Variants in RNF166 observed in about 807,000 individuals in gnomAD.
RNF166 encodes E3 ubiquitin-protein ligase RNF166.
RNF166 carries 19 observed loss-of-function variants against 29.4 expected under a neutral mutation model. The ratio of observed to expected loss-of-function variants is 0.65; its 90% CI spans 0.45 to 0.95. RNF166 has a LOEUF of 0.95. Ranked by LOEUF, RNF166 falls within the 40% of genes least tolerant of loss-of-function variation. The probability of loss-of-function intolerance (pLI) is 0.00; values close to 1 mark genes in which losing one functional copy is unlikely to be tolerated. For synonymous variants in RNF166, 171 were observed against 134.5 expected, an observed-to-expected ratio of 1.27 and a Z score of -1.88; for missense variants, 347 against 322.1, an observed-to-expected ratio of 1.08 and a Z score of -0.59.
At chr16:88,701,604 C>A in intron 1 of RNF166, 186 bp from the exon 2 acceptor site, 1 of 596,598 alleles carries the variant, frequency 1.7e-6, no homozygotes, top group Non-Finnish European at 2.8e-6. Context: ...TGGGCCCCAT[C>A]TGGCTAAAGG....
intron 2 of RNF166, 148 bp downstream of exon 2, chr16:88,701,114 C>T (rs535852260): frequency 4.6e-5 from 58 of 1,258,744 alleles, no homozygotes; most frequent in African/African-American, 3.0e-4. Context: ...AGGGAGGCGC[C>T]GGGGCTGGCT....
intron 5 of RNF166, chr16:88,698,170 A>G (rs558633650): frequency 1.2e-5 from 7 of 602,808 alleles, no homozygotes; most frequent in East Asian, 1.1e-4. Context: ...GATGTTGATG[A>G]AAGTCCTTCC....
At chr16:88,699,904 A>T (rs952290931) in intron 2 of RNF166, 172 bp from the exon 3 acceptor site, 19 of 538,518 alleles carry the variant, frequency 3.5e-5, no homozygotes, top group Non-Finnish European at 6.0e-5. Context: ...GGCACTGAGC[A>T]GCCACTACTC....
chr16:88,698,444 G>T, intron 5 of RNF166, 58 bp downstream of exon 5: 1 of 1,352,496 alleles, frequency 7.4e-7, no homozygotes, highest in Non-Finnish European at 1.0e-6. Flanking sequence ...AGGGGCCCGA[G>T]CAGGAGGAGG....
intron 1 of RNF166, chr16:88,704,606 C>T: frequency 2.1e-6 from 2 of 973,518 alleles, no homozygotes; most frequent in South Asian, 9.5e-5. Context: ...GGAGGCTTTT[C>T]TAAAACAAGG....
chr16:88,703,946 G>A, intron 1 of RNF166: 2 of 985,490 alleles, frequency 2.0e-6, no homozygotes, highest in South Asian at 9.4e-5. Flanking sequence ...GCAGGTTCGT[G>A]ATCACGCGTG....
intron 4 of RNF166, 107 bp from the exon 5 acceptor site, chr16:88,698,716 G>A (rs980685504): frequency 9.2e-6 from 8 of 867,550 alleles, no homozygotes; most frequent in Non-Finnish European, 1.4e-5. Flanking sequence ...CCTCAGCCTG[G>A]GAAGGCACCC....
At chr16:88,699,754 G>A in intron 2 of RNF166, 22 bp from the exon 3 acceptor site, 1 of 1,588,618 alleles carries the variant, frequency 6.3e-7, no homozygotes, top group South Asian at 1.1e-5. Context: ...GGCAGGGAGG[G>A]CAAGGCGGTC....
At chr16:88,702,704 A>G (rs899820732) in intron 1 of RNF166, 10 of 985,320 alleles carry the variant, frequency 1.0e-5, no homozygotes, top group Non-Finnish European at 1.1e-5. Context: ...AGCGGGACTC[A>G]GCTTGAGACC....
chr16:88,696,952 G>A lies in RNF166; in HGVS notation c.*616C>T, dbSNP rs780438470. On this transcript the variant is annotated 3_prime_UTR_variant, in exon 6 of 6. Coordinates refer to ENST00000312838, the MANE Select transcript of RNF166 (RefSeq NM_178841.4). Reference sequence around the variant, plus strand: ...CAATCCCCCAATGCTTGTTTTGATTGTTTTCTTAAAAAATATAATTTTGTA... The same window carrying A: ...CAATCCCCCAATGCTTGTTTTGATTATTTTCTTAAAAAATATAATTTTGTA... The A allele has an allele frequency of 4.1e-5, 8 of 194,928 alleles. No individual in the cohort carries two copies. The highest frequency in any genetic ancestry group is 7.4e-5 in the South Asian group (1 of 13,528). The allele number at this position is 194,928 out of a possible 1,614,324, so 12.1% of individuals were successfully genotyped here. A position where few individuals can be genotyped will look rare whatever the true frequency, so the allele number is the denominator to read the frequency against.
intron 1 of RNF166, chr16:88,703,378 AG>A: frequency 1.0e-5 from 10 of 985,424 alleles, no homozygotes; most frequent in Non-Finnish European, 1.1e-5. Context: ...GGGAAGGAAA[AG>A]GGTCCCAGGC....
intron 1 of RNF166, among the ~76,000 whole-genome samples, chr16:88,701,904 A>G (rs1256638614): frequency 1.3e-5 from 2 of 152,352 alleles, no homozygotes; most frequent in African/African-American, 4.8e-5. Flanking sequence ...TGCACTGGAC[A>G]GGGAAGGGCC....
chr16:88,700,497 G>A (rs1910106647), intron 2 of RNF166: 1 of 618,886 alleles, frequency 1.6e-6, no homozygotes, highest in Admixed American at 6.3e-5. Flanking sequence ...GGCAGCCCCT[G>A]GACATCTGGA....
In RNF166 at chr16:88,701,410, C is replaced by T. The variant is rs1331479704; in HGVS notation, c.164G>A (p.Gly55Glu). The T allele has an allele frequency of 4.4e-6, 7 of 1,595,848 alleles. No individual in the cohort carries two copies. In the African/African-American group the frequency reaches 9.4e-5, roughly 21 times the overall value. ...CTGCAGGCAGGGCTGGAGACACTCC[C>T]CGCAGAACCTGCAGGGCACAGGGGC... Reference protein sequence around the residue: ...AIGSCGHTFCGECLQPCLQVP... With the variant: ...AIGSCGHTFCEECLQPCLQVP... The change falls in exon 2 of 6, where the codon GGG (glycine) becomes GAG (glutamate). Residue 55 changes from glycine to glutamate, a missense_variant. Physicochemically the swap from Gly to Glu is moderately conservative, Grantham distance 98 (BLOSUM62 -2). Coordinates refer to ENST00000312838, the MANE Select transcript of RNF166 (RefSeq NM_178841.4).
At chr16:88,699,540 G>A in intron 3 of RNF166, 80 bp downstream of exon 3, 3 of 1,129,012 alleles carry the variant, frequency 2.7e-6, no homozygotes, top group South Asian at 1.5e-5. Flanking sequence ...CAGCCTCTCT[G>A]GGATGGGGCA....
chr16:88,702,492 CCTCTTTG>C (rs1256931304), intron 1 of RNF166, among the ~76,000 whole-genome samples: 1 of 152,176 alleles, frequency 6.6e-6, no homozygotes, highest in African/African-American at 2.4e-5. Flanking sequence ...GGGCCAGAGT[CCTCTTTG>C]CTGTCAAGAG....
intron 1 of RNF166, chr16:88,703,800 C>A: frequency 1.0e-6 from 1 of 984,460 alleles, no homozygotes; most frequent in Non-Finnish European, 1.2e-6. Context: ...AATGTGTCTC[C>A]CACACTGGCC....
rs545921883 is a variant in RNF166 at position 88,704,048 on chromosome 16, T to C, written c.155+2123A>G. 1.2e-3 allele frequency: 1,179 copies of C among 985,444 alleles called. 1 individual carries two copies. The highest frequency in any genetic ancestry group is 1.3e-3 in the Non-Finnish European group (1,120 of 829,922). 61.0% of individuals were successfully genotyped at this position (985,444 alleles called of 1,614,324 possible). A position where few individuals can be genotyped will look rare whatever the true frequency, so the allele number is the denominator to read the frequency against. ...GCTCCTGCTGGGCCCCCAGGGGGCC[T>C]CCTGCGCGAGGGCTAGAGCAGGGTG... On this transcript the variant is annotated intron_variant, in intron 1 of 5. Coordinates refer to ENST00000312838, the MANE Select transcript of RNF166 (RefSeq NM_178841.4).
Position 88,699,018 on chromosome 16 carries a change from G to T in RNF166, c.493C>A (p.Leu165Met). The part of the protein sequence containing the change: ...CGARNLDQQE[L>M]VKHCVESHRS... Reference sequence around the variant, plus strand: ...TGGCTTTCCACACAGTGCTTCACCAGCTCCTGCTGGTCCAGGTTGCGGGCA... The same window carrying T: ...TGGCTTTCCACACAGTGCTTCACCATCTCCTGCTGGTCCAGGTTGCGGGCA... The change falls in exon 4 of 6, where the codon CTG becomes ATG. Residue 165 changes from leucine (L) to methionine (M), a missense_variant. Physicochemically the swap from Leu to Met is conservative, Grantham distance 15. Coordinates refer to ENST00000312838, the MANE Select transcript of RNF166 (RefSeq NM_178841.4). The T allele has an allele frequency of 6.2e-7, 1 of 1,609,746 alleles. No homozygotes were observed.
Sources: allele counts gnomAD v4.1 joint callset (sites outside exome capture counted in the v4.1 genomes callset), GRCh38; gene constraint gnomAD v4.1.1; transcripts MANE v1.5; gene names NCBI Gene and HGNC (gene_info 2026-07-23, HGNC 2026-07-21).